CFAP70: variants seen among roughly 807,000 people sequenced by gnomAD.
The protein encoded by CFAP70 is cilia and flagella associated protein 70, also known as cilia- and flagella-associated protein 70.
In CFAP70, 81 loss-of-function variants were observed where a neutral mutation model predicts 137.6. The ratio of observed to expected loss-of-function variants is 0.59; its 90% CI spans 0.49 to 0.71. The LOEUF is 0.71. Among genes scored for constraint, CFAP70 ranks in the 30% least tolerant of loss-of-function variants. The probability of loss-of-function intolerance (pLI) is 0.00; values close to 1 mark genes in which losing one functional copy is unlikely to be tolerated. For synonymous variants in CFAP70, 382 were observed against 423.6 expected (o/e 0.90, Z 1.20); for missense variants, 976 against 1,226.7 (o/e 0.80, Z 3.05).
intron 19 of CFAP70, among the ~76,000 whole-genome samples, chr10:73,281,538 C>A (rs2047256877): frequency 6.6e-6 from 1 of 151,930 alleles, no homozygotes; most frequent in Non-Finnish European, 1.5e-5. Flanking sequence ...TGCTGGCTGT[C>A]AGGGGTGTGG....
At chr10:73,285,812 T>C (rs1214260185) in intron 19 of CFAP70, among the ~76,000 whole-genome samples, 8 of 151,954 alleles carry the variant, frequency 5.3e-5, no homozygotes, top group Non-Finnish European at 1.0e-4. Context: ...TTTTTATATT[T>C]TTAGTAGAGA....
exon 12 of CFAP70, chr10:73,310,167 A>C: frequency 1.9e-6 from 3 of 1,609,614 alleles, no homozygotes; most frequent in Non-Finnish European, 2.5e-6. Flanking sequence ...CCTTCTGGCT[A>C]GCTCCTCTGG....
At chr10:73,254,966 A>T (rs2044320263) in intron 26 of CFAP70, among the ~76,000 whole-genome samples, 1 of 152,348 alleles carries the variant, frequency 6.6e-6, no homozygotes, top group African/African-American at 2.4e-5. Flanking sequence ...CTTGCAATTC[A>T]TAACTAATAG....
upstream of CFAP70, among the ~76,000 whole-genome samples, chr10:73,360,857 TC>T (rs1433510275): frequency 6.6e-5 from 10 of 152,164 alleles, no homozygotes; most frequent in African/African-American, 2.2e-4. Context: ...CTTCCAGAAA[TC>T]GCTCATGATC....
In CFAP70 at chr10:73,275,050, G is replaced by A. The variant is rs1001558131; in HGVS notation, c.2673+396C>T. 5.6e-5 allele frequency: 9 copies of A among 161,758 alleles called. No homozygotes were observed. Among genetic ancestry groups the A allele is most frequent in the African/African-American group, 1.4e-4 (6 of 41,632 alleles). The allele number at this position is 161,758 out of a possible 1,614,324, so 10.0% of individuals were successfully genotyped here. ...TGGAGAGTGCAATGGCTCAATCTCC[G>A]CTCACTGCAACCTCCGCCTCCCAGG... On this transcript the variant is annotated intron_variant, in intron 22 of 26. Coordinates refer to ENST00000310715, the Ensembl canonical transcript of CFAP70. This position sits in a 1 kb window ranked among gnomAD's most constrained non-coding sequence, Gnocchi z 4.0.
chr10:73,291,035 T>C (rs1321037218), intron 19 of CFAP70, among the ~76,000 whole-genome samples, 191 bp downstream of exon 20: 2 of 152,188 alleles, frequency 1.3e-5, no homozygotes, highest in African/African-American at 4.8e-5. Flanking sequence ...AATTTTGTTT[T>C]AGAGATAGGA....
intron 25 of CFAP70, among the ~76,000 whole-genome samples, chr10:73,265,111 G>A (rs1180808146): frequency 6.6e-6 from 1 of 152,170 alleles, no homozygotes; most frequent in Non-Finnish European, 1.5e-5. Flanking sequence ...GGATCACGAG[G>A]TCAGGAGATC....
At chr10:73,331,499 C>G (rs7100955) in intron 7 of CFAP70, among the ~76,000 whole-genome samples, 16,073 of 151,942 alleles carry the variant, frequency 0.11, 1,229 homozygotes, top group East Asian at 0.3. Context: ...GAGCAACATG[C>G]CAAAATTCCA....
At chr10:73,284,324 A>G (rs1000735129) in intron 19 of CFAP70, among the ~76,000 whole-genome samples, 3 of 152,038 alleles carry the variant, frequency 2.0e-5, no homozygotes, top group African/African-American at 7.2e-5. Context: ...CATCTCTCAT[A>G]TAAGGACCCT....
chr10:73,284,417 TG>T (rs1315173275), intron 19 of CFAP70, among the ~76,000 whole-genome samples: 7 of 152,120 alleles, frequency 4.6e-5, no homozygotes, highest in Non-Finnish European at 1.0e-4. Context: ...AAGTCTCTTT[TG>T]CTATATAAGG....
intron 19 of CFAP70, among the ~76,000 whole-genome samples, chr10:73,279,341 G>A (rs1035743791): frequency 1.3e-4 from 20 of 151,018 alleles, no homozygotes; most frequent in Admixed American, 4.0e-4. Flanking sequence ...TAGCTAACAC[G>A]GTGAAACCCC....
At chr10:73,325,494 C>T (rs2132242665) in intron 8 of CFAP70, among the ~76,000 whole-genome samples, 1 of 152,194 alleles carries the variant, frequency 6.6e-6, no homozygotes, top group Non-Finnish European at 1.5e-5. Flanking sequence ...CAATATTAAC[C>T]TTAAATGTAA....
At chr10:73,314,907 A>AT (rs1179030293) in intron 9 of CFAP70, among the ~76,000 whole-genome samples, 1 of 148,892 alleles carries the variant, frequency 6.7e-6, no homozygotes, top group Non-Finnish European at 1.5e-5. Context: ...ACCTGGCCCA[A>AT]GTTCACTACT....
At chr10:73,268,242 T>A (rs1356050488) in intron 25 of CFAP70, among the ~76,000 whole-genome samples, 1 of 152,248 alleles carries the variant, frequency 6.6e-6, no homozygotes, top group African/African-American at 2.4e-5. Flanking sequence ...GTTTCTTCAT[T>A]GACTTATTAA....
chr10:73,341,739 C>T (rs4506555), intron 5 of CFAP70, among the ~76,000 whole-genome samples, 158 bp from the exon 7 acceptor site: 16,108 of 152,218 alleles, frequency 0.11, 1,235 homozygotes, highest in East Asian at 0.3. Context: ...CCCTTCATTC[C>T]CTTTGTGCTA....
At chr10:73,303,015 C>T (rs1218073521) in intron 12 of CFAP70, among the ~76,000 whole-genome samples, 2 of 151,370 alleles carry the variant, frequency 1.3e-5, no homozygotes, top group Non-Finnish European at 2.9e-5. Context: ...CACCGCCCCC[C>T]ACCACCGGGT....
At chr10:73,327,883 G>T (rs2132268366) in intron 8 of CFAP70, among the ~76,000 whole-genome samples, 1 of 152,266 alleles carries the variant, frequency 6.6e-6, no homozygotes, top group South Asian at 2.1e-4. Flanking sequence ...TGGGTAGGAA[G>T]AATCAATATC....
At chr10:73,347,330 T>C (rs1308202694) in intron 4 of CFAP70, among the ~76,000 whole-genome samples, 1 of 152,066 alleles carries the variant, frequency 6.6e-6, no homozygotes. Flanking sequence ...GTGCAAGCCA[T>C]GGGAAGGTTG....
rs180974111 is a variant in CFAP70, at chr10:73,303,626, C to G, written c.1257-3961G>C. 8.6e-5 allele frequency among the ~76,000 whole-genome samples: 13 copies of G among 152,044 alleles called. No individual in the cohort carries two copies. In the East Asian group the frequency reaches 2.5e-3, roughly 29 times the overall value. ...ACTTATTGCTAATAACTGTTTCTCA[C>G]AAAAAAGTCCAAAAACATTTAAACA... is the stretch of plus-strand genomic sequence containing the variant. On this transcript the variant is annotated intron_variant, in intron 12 of 26. Transcript: ENST00000310715.
Sources: gnomAD v4.1 joint callset for allele counts (sites outside exome capture counted in the v4.1 genomes callset) on GRCh38, gnomAD v4.1.1 for gene constraint, Gnocchi (gnomAD v3.1) non-coding constraint, MANE v1.5 for transcripts, NCBI Gene and HGNC (gene_info 2026-07-23, HGNC 2026-07-21) for gene names.